EPHA6: variants seen among roughly 807,000 people sequenced by gnomAD.
EPHA6 encodes the protein EPH receptor A6.
Under a neutral mutation model 112.0 loss-of-function variants are expected in EPHA6, and 50 were observed. The observed-to-expected ratio is 0.45, with a 90% CI of 0.36 to 0.56. The LOEUF is 0.56. EPHA6 is among the 20% of genes least tolerant of loss of function. EPHA6 has a pLI of 0.00. For missense variants in EPHA6, 1,280 were observed against 1,417.4 expected, an observed-to-expected ratio of 0.90 and a Z score of 1.56; for synonymous variants, 529 against 490.7, an observed-to-expected ratio of 1.08 and a Z score of -1.03.
intron 3 of EPHA6, among the ~76,000 whole-genome samples, chr3:97,136,268 A>G (rs1364898141): frequency 2.6e-5 from 4 of 152,234 alleles, no homozygotes; most frequent in African/African-American, 9.6e-5. Context: ...CTAATACCTT[A>G]GATATTATAT....
intron 10 of EPHA6, among the ~76,000 whole-genome samples, chr3:97,506,620 C>T (rs1185773409): frequency 1.3e-5 from 2 of 152,122 alleles, no homozygotes; most frequent in Non-Finnish European, 2.9e-5. Flanking sequence ...TAGCATGATG[C>T]CTCCAGCTTT....
intron 3 of EPHA6, among the ~76,000 whole-genome samples, chr3:97,185,704 C>A (rs1392302568): frequency 6.6e-6 from 1 of 152,064 alleles, no homozygotes; most frequent in African/African-American, 2.4e-5. Context: ...CCAGCCATCC[C>A]ATTACTGGGT....
At chr3:97,403,646 C>T (rs1288233109) in intron 5 of EPHA6, among the ~76,000 whole-genome samples, 8 of 152,170 alleles carry the variant, frequency 5.3e-5, no homozygotes, top group Non-Finnish European at 1.5e-5. Flanking sequence ...CGGGGTTTCA[C>T]CGTGTTAGCC....
intron 5 of EPHA6, among the ~76,000 whole-genome samples, chr3:97,382,489 G>A (rs2085810802): frequency 2.0e-5 from 3 of 152,056 alleles, no homozygotes; most frequent in African/African-American, 7.2e-5. Flanking sequence ...AAGGCATTAA[G>A]GAATTTTTGA....
At chr3:96,964,801 A>G (rs968472150) in intron 2 of EPHA6, among the ~76,000 whole-genome samples, 19 of 152,182 alleles carry the variant, frequency 1.2e-4, no homozygotes, top group Non-Finnish European at 2.4e-4. Context: ...TGTAGAGTAT[A>G]TGCATACTCA....
chr3:97,480,584 G>T (rs1180801737), intron 9 of EPHA6, among the ~76,000 whole-genome samples: 1 of 152,174 alleles, frequency 6.6e-6, no homozygotes, highest in Non-Finnish European at 1.5e-5. Flanking sequence ...CAAGGCAGAA[G>T]AATTTTTCTT....
intron 3 of EPHA6, chr3:97,010,203 G>T: frequency 1.5e-6 from 1 of 672,596 alleles, no homozygotes; most frequent in Non-Finnish European, 2.1e-6. Context: ...TATGGGTTCT[G>T]GTCAATCAAA....
rs569672679 is a variant in EPHA6 at position 97,748,828 on chromosome 3, G to T, written c.*127G>T. On this transcript the variant is annotated 3_prime_UTR_variant, in exon 18 of 18. Transcript: ENST00000389672. ...CTGCAGTCTTCTGTTCAGACTATAG[G>T]CACACACCTTATGTTTATGCTTCCA... 1.5e-3 allele frequency: 991 copies of T among 654,952 alleles called. 8 individuals are homozygous for T. In the African/African-American group the frequency reaches 0.015, roughly 10 times the overall value. 40.6% of individuals were successfully genotyped at this position (654,952 alleles called of 1,614,324 possible).
At chr3:97,535,946 TA>T (rs2092757875) in intron 11 of EPHA6, among the ~76,000 whole-genome samples, 1 of 152,118 alleles carries the variant, frequency 6.6e-6, no homozygotes, top group African/African-American at 2.4e-5. Context: ...ATTTTAAACT[TA>T]AAAGTTAAAT....
intron 13 of EPHA6, among the ~76,000 whole-genome samples, chr3:97,617,748 T>C (rs919781117): frequency 1.1e-4 from 16 of 152,156 alleles, no homozygotes; most frequent in African/African-American, 3.9e-4. Flanking sequence ...TAAATATATA[T>C]GCACCAACAC....
chr3:96,956,065 C>G (rs1419947187), intron 2 of EPHA6, among the ~76,000 whole-genome samples: 1 of 151,946 alleles, frequency 6.6e-6, no homozygotes, highest in Non-Finnish European at 1.5e-5. Flanking sequence ...TTCAGCAGAT[C>G]AGTGTCAAAA....
At chr3:96,816,020 T>C (rs2032751198) in intron 1 of EPHA6, among the ~76,000 whole-genome samples, 1 of 152,146 alleles carries the variant, frequency 6.6e-6, no homozygotes, top group Non-Finnish European at 1.5e-5. Context: ...ATAAGGCATA[T>C]GTTTCAGAGT....
chr3:97,300,492 G>A (rs951397499), intron 5 of EPHA6, among the ~76,000 whole-genome samples: 1 of 152,128 alleles, frequency 6.6e-6, no homozygotes, highest in Non-Finnish European at 1.5e-5. Flanking sequence ...TTTCCACAAA[G>A]CATGACACAT....
intron 2 of EPHA6, among the ~76,000 whole-genome samples, chr3:96,878,411 T>G (rs1021173969): frequency 5.3e-5 from 8 of 151,986 alleles, no homozygotes; most frequent in African/African-American, 1.9e-4. Context: ...TAAAAGGGCC[T>G]TGTAAGTGAT....
chr3:97,511,933 T>G (rs2092371289), intron 10 of EPHA6, among the ~76,000 whole-genome samples: 1 of 152,182 alleles, frequency 6.6e-6, no homozygotes, highest in Admixed American at 6.5e-5. Flanking sequence ...GTTTAATTTG[T>G]GGAATTATTT....
At chr3:97,507,801 T>C (rs1051411592) in intron 10 of EPHA6, among the ~76,000 whole-genome samples, 52 of 152,126 alleles carry the variant, frequency 3.4e-4, no homozygotes, top group African/African-American at 1.2e-3. Flanking sequence ...CTGGGCTTTT[T>C]TTTTGATAGG....
chr3:97,339,852 A>G (rs1027637055), intron 5 of EPHA6, among the ~76,000 whole-genome samples: 1 of 150,806 alleles, frequency 6.6e-6, no homozygotes, highest in African/African-American at 2.5e-5. Context: ...AGGACTGTGA[A>G]GTGGACAGGT....
intron 10 of EPHA6, among the ~76,000 whole-genome samples, chr3:97,528,597 G>A (rs2092656107): frequency 6.6e-6 from 1 of 152,066 alleles, no homozygotes; most frequent in African/African-American, 2.4e-5. Flanking sequence ...TGCTCTCTAG[G>A]GTTGGATATG....
intron 2 of EPHA6, among the ~76,000 whole-genome samples, chr3:96,941,909 A>G (rs975495496): frequency 6.6e-6 from 1 of 152,206 alleles, no homozygotes; most frequent in Non-Finnish European, 1.5e-5. Flanking sequence ...GCTGTAGAAC[A>G]GCGGTGGCTG....
Sources: gnomAD v4.1 joint callset for allele counts (sites outside exome capture counted in the v4.1 genomes callset) on GRCh38, gnomAD v4.1.1 for gene constraint, MANE v1.5 for transcripts, NCBI Gene and HGNC (gene_info 2026-07-23, HGNC 2026-07-21) for gene names.